The following PAFAH1B2 variants were observed in gnomAD, a reference collection of about 807,000 sequenced individuals.
The protein encoded by PAFAH1B2 is platelet activating factor acetylhydrolase 1b catalytic subunit 2.
In PAFAH1B2, 8 loss-of-function variants were observed where a neutral mutation model predicts 28.0. That is an observed-to-expected ratio of 0.29 (90% CI 0.17 to 0.52). The LOEUF is 0.52. Ranked by LOEUF, PAFAH1B2 falls within the 20% of genes least tolerant of loss-of-function variation. PAFAH1B2 has a pLI of 0.97. For synonymous variants in PAFAH1B2, 104 were observed against 103.2 expected, an observed-to-expected ratio of 1.01 and a Z score of -0.05; for missense variants, 190 against 282.6, an observed-to-expected ratio of 0.67 and a Z score of 2.35.
At chr11:117,159,013 C>T (rs1956313271) in intron 2 of PAFAH1B2, among the ~76,000 whole-genome samples, 2 of 152,188 alleles carry the variant, frequency 1.3e-5, no homozygotes, top group African/African-American at 2.4e-5. Context: ...ATAATGTTTG[C>T]ATTCTACTTC....
In PAFAH1B2 at chr11:117,159,922, T is replaced by G. The variant is rs1956336660; in HGVS notation, c.82-12T>G. The stretch of plus-strand genomic sequence containing the variant: ...GCCAGTTAATAATTTTTTTTTTTCT[T>G]CTTCAAACCAGCACAACAGATTTGT... On this transcript the variant is annotated splice_polypyrimidine_tract_variant and intron_variant, in intron 2 of 5. Coordinates refer to ENST00000527958, the MANE Select transcript of PAFAH1B2 (RefSeq NM_002572.4). 8.1e-6 allele frequency: 13 copies of G among 1,607,440 alleles called. 1 individual carries two copies. Among genetic ancestry groups the G allele is most frequent in the African/African-American group, 4.0e-5 (3 of 74,738 alleles).
chr11:117,177,762 C>T (rs2134243069), downstream of PAFAH1B2, among the ~76,000 whole-genome samples: 1 of 152,360 alleles, frequency 6.6e-6, no homozygotes, highest in Middle Eastern at 3.4e-3. Context: ...TCTCGAACTC[C>T]TGACCTCAAG....
At chr11:117,167,087 G>A (rs1956528907) in intron 5 of PAFAH1B2, among the ~76,000 whole-genome samples, 1 of 152,114 alleles carries the variant, frequency 6.6e-6, no homozygotes, top group Non-Finnish European at 1.5e-5. Flanking sequence ...AGTTGGGAGT[G>A]CCTTGGGAAC....
At position 117,168,552 on chromosome 11, in the gene PAFAH1B2, ACT is replaced by A; in HGVS notation, c.*857_*858del. 3.8e-6 allele frequency: 4 copies of A among 1,044,302 alleles called. No homozygotes were observed. Among genetic ancestry groups the A allele is most frequent in the Non-Finnish European group, 4.6e-6 (4 of 871,886 alleles). The allele number at this position is 1,044,302 out of a possible 1,614,324, so 64.7% of individuals were successfully genotyped here. A position where few individuals can be genotyped will look rare whatever the true frequency, so the allele number is the denominator to read the frequency against. Reference sequence around the variant, plus strand: ...CTGGAAGTATAGTCTCCAGCCAGTTACTCTCATGATAGTACTGCTATAAAACT... The same window carrying A: ...CTGGAAGTATAGTCTCCAGCCAGTTACTCATGATAGTACTGCTATAAAACT... On this transcript the variant is annotated 3_prime_UTR_variant, in exon 6 of 6. Transcript: ENST00000527958.
At chr11:117,175,653 G>A, downstream of PAFAH1B2, 1 of 1,282,914 alleles carries the variant, frequency 7.8e-7, no homozygotes, top group Non-Finnish European at 9.9e-7. Context: ...TGCATAGCAA[G>A]CTTCTGGAGT....
At chr11:117,165,538 C>T (rs1956486793) in intron 5 of PAFAH1B2, among the ~76,000 whole-genome samples, 1 of 152,134 alleles carries the variant, frequency 6.6e-6, no homozygotes, top group Admixed American at 6.5e-5. Context: ...ATGAGTAAGA[C>T]ATAGTTTCGG....
chr11:117,174,802 A>C, downstream of PAFAH1B2: 1 of 734,096 alleles, frequency 1.4e-6, no homozygotes. Context: ...TTTAGTAGAG[A>C]CGGGCTTTTA....
chr11:117,157,866 G>A (rs773087353), intron 2 of PAFAH1B2, among the ~76,000 whole-genome samples: 3 of 152,172 alleles, frequency 2.0e-5, no homozygotes, highest in South Asian at 2.1e-4. Flanking sequence ...GGTCTGGCAC[G>A]GTAGTTCACG....
chr11:117,173,936 A>G (rs529282157), downstream of PAFAH1B2, among the ~76,000 whole-genome samples: 47 of 152,286 alleles, frequency 3.1e-4, no homozygotes, highest in Non-Finnish European at 5.6e-4. Flanking sequence ...TCACAGTGAA[A>G]ACAGAAAGCT....
intron 4 of PAFAH1B2, 51 bp downstream of exon 4, chr11:117,161,312 T>G (rs759320125): frequency 5.9e-6 from 7 of 1,177,190 alleles, no homozygotes; most frequent in African/African-American, 1.6e-5. Context: ...CTGTTTTGGA[T>G]AGTTAAATTG....
At chr11:117,174,864 C>G (rs2134238303), downstream of PAFAH1B2, 1 of 1,444,332 alleles carries the variant, frequency 6.9e-7, no homozygotes, top group South Asian at 1.3e-5. Flanking sequence ...ATCCAACCGC[C>G]TTGGCCTCCC....
chr11:117,150,265 A>G (rs1467845960), intron 1 of PAFAH1B2, among the ~76,000 whole-genome samples: 1 of 152,116 alleles, frequency 6.6e-6, no homozygotes, highest in Non-Finnish European at 1.5e-5. Flanking sequence ...CTCCTGCCCC[A>G]GTCTCCTGAG....
chr11:117,149,813 A>G (rs1330111961), intron 1 of PAFAH1B2, among the ~76,000 whole-genome samples: 2 of 152,120 alleles, frequency 1.3e-5, no homozygotes, highest in Non-Finnish European at 2.9e-5. Context: ...GCATGTTTAT[A>G]TACAAATGTG....
chr11:117,174,798 A>G, downstream of PAFAH1B2: 1 of 720,254 alleles, frequency 1.4e-6, no homozygotes. Context: ...TATTTTTAGT[A>G]GAGACGGGCT....
At chr11:117,163,644 G>A (rs947516955) in intron 4 of PAFAH1B2, 126 bp from the exon 5 acceptor site, 1 of 955,946 alleles carries the variant, frequency 1.0e-6, no homozygotes, top group African/African-American at 1.7e-5. Context: ...CTGCACTCCA[G>A]TCTGGGTGAT....
At position 117,169,662 on chromosome 11, in the gene PAFAH1B2, G is replaced by A; in HGVS notation, c.*1963G>A. ...TTCATTAACAACAGAAAATCCACAT[G>A]GTGTTTACTAAACTTGTTTACGACA... On this transcript the variant is annotated 3_prime_UTR_variant, in exon 6 of 6. Coordinates refer to ENST00000527958, the MANE Select transcript of PAFAH1B2 (RefSeq NM_002572.4). 3 of 1,052,690 alleles carry A rather than the reference G, an allele frequency of 2.8e-6. No homozygotes were observed. The highest frequency in any genetic ancestry group is 3.4e-6 in the Non-Finnish European group (3 of 870,630). The allele number at this position is 1,052,690 out of a possible 1,614,324, so 65.2% of individuals were successfully genotyped here.
intron 5 of PAFAH1B2, among the ~76,000 whole-genome samples, chr11:117,166,307 A>G (rs1460938352): frequency 4.6e-5 from 7 of 152,248 alleles, no homozygotes; most frequent in Admixed American, 2.6e-4. Flanking sequence ...CCTGTTAAGT[A>G]CAGTGACTAG....
chr11:117,154,555 G>A (rs767897246), intron 2 of PAFAH1B2, among the ~76,000 whole-genome samples: 8 of 152,074 alleles, frequency 5.3e-5, no homozygotes, highest in Non-Finnish European at 8.8e-5. Flanking sequence ...ATCCACCACC[G>A]CTTCTCAAGT....
chr11:117,161,897 G>A (rs1053485767), intron 4 of PAFAH1B2, among the ~76,000 whole-genome samples: 3 of 152,094 alleles, frequency 2.0e-5, no homozygotes, highest in Admixed American at 2.0e-4. Context: ...TCAGAGGTGG[G>A]CCATGGGAGC....
Sources: allele counts gnomAD v4.1 joint callset (sites outside exome capture counted in the v4.1 genomes callset), GRCh38; gene constraint gnomAD v4.1.1; transcripts MANE v1.5; gene names NCBI Gene and HGNC (gene_info 2026-07-23, HGNC 2026-07-21).